Variants in DSCAML1 observed in about 807,000 individuals in gnomAD.
DSCAML1 encodes the protein cell adhesion molecule DSCAML1.
In DSCAML1, 38 loss-of-function variants were observed where a neutral mutation model predicts 200.5. The ratio of observed to expected loss-of-function variants is 0.19; its 90% CI spans 0.15 to 0.25. DSCAML1 has a LOEUF of 0.25. Ranked by LOEUF, DSCAML1 falls within the 10% of genes least tolerant of loss-of-function variation. The pLI is 1.00. For missense variants in DSCAML1, 2,223 were observed against 2,858.8 expected, an observed-to-expected ratio of 0.78 and a Z score of 5.07; for synonymous variants, 1,215 against 1,165.0, an observed-to-expected ratio of 1.04 and a Z score of -0.87.
At position 117,498,774 on chromosome 11, in the gene DSCAML1, T is replaced by C. The variant is rs1357155834; in HGVS notation, c.2359+5071A>G. On this transcript the variant is annotated intron_variant, in intron 11 of 32. Transcript: ENST00000651296. This position sits in a 1 kb window ranked among gnomAD's most constrained non-coding sequence, Gnocchi z 4.0. ...GGCCCCAAGCTCCCCGCTCCTGATG[T>C]TGTGGCTGCGCAGCTGGGTGTGTGC... Among the ~76,000 whole-genome samples the C allele has an allele frequency of 6.6e-6, 1 of 152,238 alleles. No individual in the cohort carries two copies. Among genetic ancestry groups the C allele is most frequent in the Non-Finnish European group, 1.5e-5 (1 of 67,994 alleles).
chr11:117,523,000 G>A (rs191348749), intron 5 of DSCAML1, among the ~76,000 whole-genome samples: 45 of 152,196 alleles, frequency 3.0e-4, no homozygotes, highest in Non-Finnish European at 5.6e-4. Flanking sequence ...ACATCTGGAA[G>A]TGGTGACTTG....
intron 3 of DSCAML1, among the ~76,000 whole-genome samples, chr11:117,760,796 T>G (rs992930928): frequency 2.0e-5 from 3 of 152,218 alleles, no homozygotes; most frequent in African/African-American, 7.2e-5. Flanking sequence ...TGCAGGCACA[T>G]GGGCACAGTT....
In DSCAML1 at chr11:117,529,517, C is replaced by A. The variant is rs531298495; in HGVS notation, c.658+2859G>T. Among the ~76,000 whole-genome samples, 21 of 152,248 alleles carry A rather than the reference C, an allele frequency of 1.4e-4. No individual in the cohort carries two copies. In the South Asian group the frequency reaches 4.4e-3, roughly 32 times the overall value. On this transcript the variant is annotated intron_variant, in intron 4 of 32. Transcript: ENST00000651296. ...GCTGCACAACTAGTGAGTGTTGAGG[C>A]GGAGATGGAAAGTTTGGCCTAATTC...
At chr11:117,625,704 C>T (rs1451779644) in intron 3 of DSCAML1, among the ~76,000 whole-genome samples, 1 of 152,230 alleles carries the variant, frequency 6.6e-6, no homozygotes, top group African/African-American at 2.4e-5. Flanking sequence ...TCAGACTTTG[C>T]ATTGCCCCAA....
chr11:117,441,416 G>C (rs556244021), intron 21 of DSCAML1, among the ~76,000 whole-genome samples: 62 of 152,222 alleles, frequency 4.1e-4, no homozygotes, highest in Non-Finnish European at 7.6e-4. Flanking sequence ...GATGCAGACT[G>C]ACAGGGAAGT....
At chr11:117,444,133 G>A (rs2048128055) in intron 20 of DSCAML1, 94 bp from the exon 21 acceptor site, 5 of 1,412,470 alleles carry the variant, frequency 3.5e-6, no homozygotes, top group Non-Finnish European at 4.7e-6. Flanking sequence ...AGGAGAGGAT[G>A]GCGGGGTCGG....
chr11:117,528,682 C>T (rs2050021668), intron 4 of DSCAML1, among the ~76,000 whole-genome samples: 2 of 152,176 alleles, frequency 1.3e-5, no homozygotes, highest in Non-Finnish European at 2.9e-5. Flanking sequence ...GCTGGGGATC[C>T]GATTCCAGTC....
At chr11:117,492,927 C>T (rs2049215477) in intron 11 of DSCAML1, among the ~76,000 whole-genome samples, 1 of 152,334 alleles carries the variant, frequency 6.6e-6, no homozygotes, top group South Asian at 2.1e-4. Flanking sequence ...TAGCCAAGCT[C>T]CACCTGAAGC....
chr11:117,435,674 T>C lies in DSCAML1; in HGVS notation c.4846A>G (p.Arg1616Gly). Residue 1616 changes from arginine (R) to glycine (G), a missense_variant, in exon 27 of 33, where the codon AGG (arginine) becomes GGG (glycine). By Grantham distance (125) the Arg-to-Gly change is moderately radical. Coordinates refer to ENST00000651296, the MANE Select transcript of DSCAML1 (RefSeq NM_020693.4). ...AGTCGCTTCAGCCGTTTCTCCTTCC[T>C]CTTCTTGCGTACGATGAAGAGCAGT... Reference protein sequence around the residue: ...VALLFIVRKKRKEKRLKRLRD... With the variant: ...VALLFIVRKKGKEKRLKRLRD... 6.2e-7 allele frequency: 1 copy of C among 1,604,102 alleles called. No individual in the cohort carries two copies. The highest frequency in any genetic ancestry group is 8.5e-7 in the Non-Finnish European group (1 of 1,172,352).
chr11:117,672,227 G>A (rs928885585), intron 3 of DSCAML1, among the ~76,000 whole-genome samples: 1 of 152,034 alleles, frequency 6.6e-6, no homozygotes, highest in African/African-American at 2.4e-5. Context: ...AGGTTACTGT[G>A]GAAGCAAGGA....
At chr11:117,815,388 G>C (rs908933081) in intron 1 of DSCAML1, among the ~76,000 whole-genome samples, 5 of 152,198 alleles carry the variant, frequency 3.3e-5, no homozygotes, top group African/African-American at 4.8e-5. Flanking sequence ...AGAGCTGGCA[G>C]TGAAACCAAT....
intron 3 of DSCAML1, among the ~76,000 whole-genome samples, chr11:117,728,251 C>T (rs1023567472): frequency 4.6e-5 from 7 of 152,178 alleles, no homozygotes; most frequent in African/African-American, 1.7e-4. Context: ...CAAAAACACT[C>T]AACATAATTA....
chr11:117,516,614 G>A lies in DSCAML1; in HGVS notation c.1636C>T (p.Pro546Ser), dbSNP rs1431472149. 6.2e-7 allele frequency: 1 copy of A among 1,613,930 alleles called. No homozygotes were observed. Among genetic ancestry groups the A allele is most frequent in the Non-Finnish European group, 8.5e-7 (1 of 1,180,004 alleles). The change falls in exon 8 of 33, where the codon CCA (proline) becomes TCA (serine). Residue 546 changes from proline to serine, a missense_variant. Physicochemically the swap from Pro to Ser is moderately conservative, Grantham distance 74. This residue lies in a region of DSCAML1 where 212 missense variants were observed against 368.0 expected (regional missense o/e 0.58). Transcript: ENST00000651296. The surrounding 1 kb of genome is among the most constrained non-coding windows in gnomAD (Gnocchi z 5.7). ...AACACCACCTGGCGGTGGTTGTCTG[G>A]CAGCAGCAGGGCATCCTTGTACCAC... ...IKWYKDALLL[P>S]DNHRQVVFEN...
At position 117,617,855 on chromosome 11, in the gene DSCAML1, C is replaced by T. The variant is rs2051843700; in HGVS notation, c.512-85333G>A. On this transcript the variant is annotated intron_variant, in intron 3 of 32. Transcript: ENST00000651296. ...CACTCTGTGCCTCCCCTCGCTACCC[C>T]CTACCAGGTAGGAGGAGGGGTCGGC... is the stretch of plus-strand genomic sequence containing the variant. Among the ~76,000 whole-genome samples, 3 of 152,256 alleles carry T rather than the reference C, an allele frequency of 2.0e-5. 1 individual carries two copies. The highest frequency in any genetic ancestry group is 1.5e-5 in the Non-Finnish European group (1 of 68,016).
At position 117,684,435 on chromosome 11, in the gene DSCAML1, TAAAAAAAAAAAAAAA is replaced by T. The variant is rs149958154; in HGVS notation, c.511+92341_511+92355del. On this transcript the variant is annotated intron_variant, in intron 3 of 32. Coordinates refer to ENST00000651296, the MANE Select transcript of DSCAML1 (RefSeq NM_020693.4). The stretch of plus-strand genomic sequence containing the variant: ...CAAACTGTTCACACATTTCATTAAC[TAAAAAAAAAAAAAAA>T]AAAAAAAAAAGAAAAAAAGAGGAAG... Among the ~76,000 whole-genome samples the T allele has an allele frequency of 5.5e-3, 412 of 74,628 alleles. 7 individuals carry two copies. The East Asian group carries it at 0.073, about 13-fold the overall frequency. 49.0% of individuals were successfully genotyped at this position (74,628 alleles called of 152,430 possible). A position where few individuals can be genotyped will look rare whatever the true frequency, so the allele number is the denominator to read the frequency against.
intron 11 of DSCAML1, among the ~76,000 whole-genome samples, chr11:117,497,940 GC>G (rs1458951066): frequency 1.3e-5 from 2 of 152,216 alleles, no homozygotes; most frequent in Non-Finnish European, 2.9e-5. Context: ...TCCCCCACTC[GC>G]CCAATCAGGG....
intron 1 of DSCAML1, among the ~76,000 whole-genome samples, chr11:117,810,855 C>T (rs1270543210): frequency 1.3e-5 from 2 of 152,120 alleles, no homozygotes; most frequent in African/African-American, 2.4e-5. Flanking sequence ...CAGTGCAACT[C>T]GTCCCAAATC....
chr11:117,525,188 C>T (rs992201543), intron 4 of DSCAML1, 105 bp from the exon 5 acceptor site: 357 of 1,351,976 alleles, frequency 2.6e-4, no homozygotes, highest in African/African-American at 1.6e-3. Flanking sequence ...TGCCCACTGG[C>T]GCCCACAGCG....
chr11:117,755,028 T>C (rs1338871170), intron 3 of DSCAML1, among the ~76,000 whole-genome samples: 1 of 152,114 alleles, frequency 6.6e-6, no homozygotes, highest in East Asian at 1.9e-4. Flanking sequence ...GAATCAGTAT[T>C]ATTTTTGTTC....
Sources: allele counts gnomAD v4.1 joint callset (sites outside exome capture counted in the v4.1 genomes callset), GRCh38; gene constraint gnomAD v4.1.1; regional missense constraint gnomAD v4.1.1; non-coding constraint Gnocchi (gnomAD v3.1); transcripts MANE v1.5; gene names NCBI Gene and HGNC (gene_info 2026-07-23, HGNC 2026-07-21).